TRABD2A: variants seen among roughly 807,000 people sequenced by gnomAD.
The protein encoded by TRABD2A is TraB domain containing 2A.
In TRABD2A, 43 loss-of-function variants were observed where a neutral mutation model predicts 45.6. That is an observed-to-expected ratio of 0.94 (90% CI 0.74 to 1.22). TRABD2A has a LOEUF of 1.22. Among genes scored for constraint, TRABD2A ranks in the 50% most tolerant of loss-of-function variants. The pLI, the probability that TRABD2A is intolerant of heterozygous loss-of-function variation, is 0.00. For synonymous variants in TRABD2A, 269 were observed against 265.0 expected (o/e 1.02, Z -0.15); for missense variants, 642 against 652.4 (o/e 0.98, Z 0.17).
chr2:84,856,660 G>A (rs1682318136), intron 2 of TRABD2A, among the ~76,000 whole-genome samples: 1 of 152,160 alleles, frequency 6.6e-6, no homozygotes, highest in Non-Finnish European at 1.5e-5. Flanking sequence ...GAATGCACAT[G>A]GCCAGCTGGA....
intron 2 of TRABD2A, among the ~76,000 whole-genome samples, chr2:84,848,028 G>C (rs1182940732): frequency 6.6e-6 from 1 of 152,060 alleles, no homozygotes; most frequent in Non-Finnish European, 1.5e-5. Context: ...TTTTTGAGTA[G>C]GGCCAACCCT....
intron 2 of TRABD2A, among the ~76,000 whole-genome samples, chr2:84,858,525 G>A (rs550381487): frequency 1.6e-4 from 25 of 152,070 alleles, no homozygotes; most frequent in Non-Finnish European, 3.1e-4. Context: ...ACATTCTTAG[G>A]CAGTTATTCT....
intron 3 of TRABD2A, among the ~76,000 whole-genome samples, chr2:84,841,185 C>T (rs1176303436): frequency 1.3e-5 from 2 of 152,226 alleles, no homozygotes; most frequent in East Asian, 3.8e-4. Flanking sequence ...GGCACCATGG[C>T]TTGTCCCATG....
At chr2:84,869,247 G>A (rs568404164) in intron 2 of TRABD2A, among the ~76,000 whole-genome samples, 16 of 152,304 alleles carry the variant, frequency 1.1e-4, no homozygotes, top group African/African-American at 3.8e-4. Context: ...AAACCTCAAC[G>A]TGACCCAATG....
At chr2:84,859,229 G>A (rs1430591506) in intron 2 of TRABD2A, among the ~76,000 whole-genome samples, 1 of 152,252 alleles carries the variant, frequency 6.6e-6, no homozygotes, top group Non-Finnish European at 1.5e-5. Context: ...TCAGGGTAAA[G>A]ATGGAAACAG....
At chr2:84,825,867 A>G (rs1681131488) in intron 5 of TRABD2A, among the ~76,000 whole-genome samples, 1 of 152,186 alleles carries the variant, frequency 6.6e-6, no homozygotes, top group Non-Finnish European at 1.5e-5. Flanking sequence ...TGTGTGTGCC[A>G]GGGATCTCGG....
At chr2:84,829,077 T>C (rs1681234737) in intron 5 of TRABD2A, among the ~76,000 whole-genome samples, 1 of 152,154 alleles carries the variant, frequency 6.6e-6, no homozygotes, top group African/African-American at 2.4e-5. Context: ...TCCTGGTTAA[T>C]AGTGTGGCCT....
At position 84,841,417 on chromosome 2, in the gene TRABD2A, T is replaced by C. The variant is rs370712251; in HGVS notation, c.816+444A>G. Among the ~76,000 whole-genome samples, 7 of 152,378 alleles carry C rather than the reference T, an allele frequency of 4.6e-5. No individual in the cohort carries two copies. In the South Asian group the frequency reaches 1.4e-3, roughly 32 times the overall value. ...CAAATGCTAGCAGCCTTCCCAGCTC[T>C]GATGCCCTAAGCCTGTAAGCATTCT... On this transcript the variant is annotated intron_variant, in intron 3 of 6. Coordinates refer to ENST00000409520, the MANE Select transcript of TRABD2A (RefSeq NM_001277053.2).
intron 1 of TRABD2A, 67 bp downstream of exon 1, chr2:84,880,865 T>C: frequency 6.5e-7 from 1 of 1,543,298 alleles, no homozygotes; most frequent in Non-Finnish European, 8.7e-7. Flanking sequence ...CTTCGCGGGG[T>C]TCGGAGGGAA....
At chr2:84,832,218 T>C (rs1681363516) in intron 4 of TRABD2A, 73 bp from the exon 5 acceptor site, 1 of 1,497,202 alleles carries the variant, frequency 6.7e-7, no homozygotes, top group Non-Finnish European at 9.3e-7. Context: ...ACACACACCC[T>C]AGAACCAAGA....
Position 84,842,009 on chromosome 2 carries a change from T to C in TRABD2A, c.670-2A>G. The C allele has an allele frequency of 1.3e-6, 2 of 1,493,862 alleles. No individual in the cohort carries two copies. Among genetic ancestry groups the C allele is most frequent in the Non-Finnish European group, 1.8e-6 (2 of 1,121,414 alleles). The allele number at this position is 1,493,862 out of a possible 1,614,324, so 92.5% of individuals were successfully genotyped here. On this transcript the variant is annotated splice_acceptor_variant, in intron 2 of 6. Transcript: ENST00000409520. LOFTEE classifies it high-confidence loss of function. ...GGTCTGGTTCAAAGCAAAGATGACC[T>C]AAAAGAAAGGTCTCTTTTAAGTTCA...
intron 5 of TRABD2A, among the ~76,000 whole-genome samples, chr2:84,831,624 T>C (rs1192274): frequency 0.21 from 31,885 of 151,818 alleles, 3,791 homozygotes; most frequent in African/African-American, 0.33. Context: ...GGGTGAGACA[T>C]GCACTCCCTG....
intron 2 of TRABD2A, among the ~76,000 whole-genome samples, chr2:84,868,207 C>T (rs955275954): frequency 4.6e-5 from 7 of 152,124 alleles, no homozygotes; most frequent in Non-Finnish European, 1.0e-4. Context: ...CAATGATAGA[C>T]TGGATTAAGA....
intron 1 of TRABD2A, 77 bp downstream of exon 1, chr2:84,880,855 C>G: frequency 6.5e-7 from 1 of 1,539,024 alleles, no homozygotes; most frequent in South Asian, 1.2e-5. Context: ...GAAAGCGCTG[C>G]TTCGCGGGGT....
intron 1 of TRABD2A, among the ~76,000 whole-genome samples, chr2:84,878,520 C>T (rs1313384472): frequency 7.0e-6 from 1 of 142,820 alleles, no homozygotes; most frequent in Non-Finnish European, 1.5e-5. Context: ...TAGAGCAAGA[C>T]TCTGTCTCAA....
chr2:84,830,325 G>A lies in TRABD2A; in HGVS notation c.1082+1730C>T, dbSNP rs993294366. Among the ~76,000 whole-genome samples the A allele has an allele frequency of 5.3e-5, 8 of 152,212 alleles. No homozygotes were observed. The highest frequency in any genetic ancestry group is 1.9e-4 in the African/African-American group (8 of 41,444). Reference sequence around the variant, plus strand: ...GAGGAGGGCTCCTCAGAAGGGGGAAGTAGCGTCAGTAAAGGAGAGGCGGGG... The same window carrying A: ...GAGGAGGGCTCCTCAGAAGGGGGAAATAGCGTCAGTAAAGGAGAGGCGGGG... On this transcript the variant is annotated intron_variant, in intron 5 of 6. Transcript: ENST00000409520. This position sits in a 1 kb window ranked among gnomAD's most constrained non-coding sequence, Gnocchi z 4.9.
At chr2:84,838,127 G>A (rs904680019) in intron 4 of TRABD2A, 10 of 679,904 alleles carry the variant, frequency 1.5e-5, no homozygotes, top group Admixed American at 9.9e-5. Context: ...GATTCTTTAA[G>A]GATGGAGCTT....
At chr2:84,825,632 G>A (rs913147178) in intron 5 of TRABD2A, among the ~76,000 whole-genome samples, 11 of 152,150 alleles carry the variant, frequency 7.2e-5, no homozygotes, top group African/African-American at 2.7e-4. Flanking sequence ...GCCCAGAAAG[G>A]GAATGTGCCC....
At chr2:84,832,203 C>G (rs2105374646) in intron 4 of TRABD2A, 58 bp from the exon 5 acceptor site, 1 of 1,554,308 alleles carries the variant, frequency 6.4e-7, no homozygotes, top group Admixed American at 1.7e-5. Flanking sequence ...AAACATACTC[C>G]CCAAACACAC....
Sources: allele counts gnomAD v4.1 joint callset (sites outside exome capture counted in the v4.1 genomes callset), GRCh38; gene constraint gnomAD v4.1.1; non-coding constraint Gnocchi (gnomAD v3.1); transcripts MANE v1.5; gene names NCBI Gene and HGNC (gene_info 2026-07-23, HGNC 2026-07-21).